Variants in FRMD3 observed in about 807,000 individuals in gnomAD.
FRMD3 encodes FERM domain-containing protein 3.
A neutral mutation model predicts 70.2 loss-of-function variants in FRMD3; 33 were observed. That is an observed-to-expected ratio of 0.47 (90% CI 0.36 to 0.63). The LOEUF is 0.63. Ranked by LOEUF, FRMD3 falls within the 20% of genes least tolerant of loss-of-function variation. FRMD3 has a pLI of 0.00. For missense variants in FRMD3, 632 were observed against 711.4 expected, an observed-to-expected ratio of 0.89 and a Z score of 1.27; for synonymous variants, 279 against 255.9, an observed-to-expected ratio of 1.09 and a Z score of -0.86.
chr9:83,244,604 CTGAA>C, downstream of FRMD3: 1 of 925,772 alleles, frequency 1.1e-6, no homozygotes, highest in South Asian at 5.0e-5. Context: ...TTAAATAAAA[CTGAA>C]TGATTGCAAA....
chr9:83,507,168 C>G (rs1036985468), intron 1 of FRMD3, among the ~76,000 whole-genome samples: 1 of 151,450 alleles, frequency 6.6e-6, no homozygotes, highest in African/African-American at 2.4e-5. Context: ...CGAGACCAGC[C>G]TGGCCAACAT....
chr9:83,545,097 A>T, the FRMD3 span, among the ~76,000 whole-genome samples: 1 of 152,188 alleles, frequency 6.6e-6, no homozygotes, highest in South Asian at 2.1e-4. Context: ...GCTCAATGAG[A>T]TCCAAGAGAA....
At chr9:83,484,298 C>A (rs755496404) in intron 1 of FRMD3, among the ~76,000 whole-genome samples, 4 of 152,182 alleles carry the variant, frequency 2.6e-5, no homozygotes, top group Non-Finnish European at 4.4e-5. Flanking sequence ...AACATATGTA[C>A]TAGAATTTTT....
At chr9:83,481,280 C>T (rs1043987314) in intron 1 of FRMD3, among the ~76,000 whole-genome samples, 2 of 152,126 alleles carry the variant, frequency 1.3e-5, no homozygotes, top group Admixed American at 6.5e-5. Flanking sequence ...TCCAATGATG[C>T]AAGTGTGTCG....
the FRMD3 span, among the ~76,000 whole-genome samples, chr9:83,551,035 G>A: frequency 4.0e-5 from 6 of 150,280 alleles, no homozygotes; most frequent in African/African-American, 1.5e-4. Context: ...TGGTGAGAGA[G>A]GGCATCCTTC....
At chr9:83,438,971 G>A (rs1157941577) in intron 1 of FRMD3, among the ~76,000 whole-genome samples, 2 of 152,120 alleles carry the variant, frequency 1.3e-5, no homozygotes, top group Non-Finnish European at 2.9e-5. Context: ...GGAGAGGCCT[G>A]AAAACCCTCA....
chr9:83,291,325 T>C (rs1834411218), intron 12 of FRMD3, among the ~76,000 whole-genome samples: 2 of 152,208 alleles, frequency 1.3e-5, no homozygotes, highest in Admixed American at 6.5e-5. Context: ...TAGCAACAGA[T>C]GGCAAGGAAA....
intron 1 of FRMD3, among the ~76,000 whole-genome samples, chr9:83,492,626 C>T (rs1264286095): frequency 6.6e-6 from 1 of 152,204 alleles, no homozygotes; most frequent in Non-Finnish European, 1.5e-5. Context: ...CCACCGGGGC[C>T]TCTGGGGGGC....
intron 1 of FRMD3, among the ~76,000 whole-genome samples, chr9:83,511,189 C>T (rs1358958318): frequency 6.6e-6 from 1 of 152,166 alleles, no homozygotes; most frequent in Non-Finnish European, 1.5e-5. Context: ...TTCTACTTCC[C>T]TATTTAGTGA....
chr9:83,258,507 C>T (rs1438319978), intron 13 of FRMD3, among the ~76,000 whole-genome samples: 3 of 152,184 alleles, frequency 2.0e-5, no homozygotes, highest in African/African-American at 2.4e-5. Flanking sequence ...CAATATTGGG[C>T]GTCAGCAGAA....
intron 1 of FRMD3, among the ~76,000 whole-genome samples, chr9:83,440,323 G>T (rs1827258608): frequency 6.6e-6 from 1 of 152,216 alleles, no homozygotes; most frequent in Admixed American, 6.5e-5. Flanking sequence ...ATACATCAGT[G>T]ATCAGTGTAA....
intron 1 of FRMD3, among the ~76,000 whole-genome samples, chr9:83,466,837 T>G (rs1417859938): frequency 6.6e-6 from 1 of 152,224 alleles, no homozygotes; most frequent in African/African-American, 2.4e-5. Flanking sequence ...AAAGGTCCAG[T>G]TGCTCGGTAA....
intron 6 of FRMD3, among the ~76,000 whole-genome samples, chr9:83,328,703 G>A (rs1021014796): frequency 6.6e-6 from 1 of 152,186 alleles, no homozygotes; most frequent in Non-Finnish European, 1.5e-5. Flanking sequence ...TGAAATGGCC[G>A]AAAATCTGGG....
In FRMD3 at chr9:83,455,975, T is replaced by G. The variant is rs191221791; in HGVS notation, c.148-66267A>C. ...TGGGGGCATTTTTCTAAAATAAACT[T>G]TAAATTAGAATTTTTGAATGCTGCA... On this transcript the variant is annotated intron_variant, in intron 1 of 13. Coordinates refer to ENST00000304195, the MANE Select transcript of FRMD3 (RefSeq NM_174938.6). Among the ~76,000 whole-genome samples the G allele has an allele frequency of 1.1e-4, 16 of 152,334 alleles. No individual in the cohort carries two copies. In the East Asian group the frequency reaches 3.1e-3, roughly 29 times the overall value.
At chr9:83,403,385 T>C (rs1332255467) in intron 1 of FRMD3, among the ~76,000 whole-genome samples, 1 of 152,166 alleles carries the variant, frequency 6.6e-6, no homozygotes, top group African/African-American at 2.4e-5. Context: ...AGAAGGTGGC[T>C]CGAACACGCA....
chr9:83,538,870 A>T (rs2131570179), upstream of FRMD3, among the ~76,000 whole-genome samples: 1 of 152,308 alleles, frequency 6.6e-6, no homozygotes, highest in South Asian at 2.1e-4. This position sits in a 1 kb window ranked among gnomAD's most constrained non-coding sequence, Gnocchi z 4.7. Flanking sequence ...TCGGGAAAGG[A>T]TTGCTGGGCC....
At chr9:83,299,229 G>T in intron 10 of FRMD3, 43 bp from the exon 11 acceptor site, 2 of 1,330,662 alleles carry the variant, frequency 1.5e-6, no homozygotes, top group Non-Finnish European at 2.1e-6. Context: ...ACATTGGAAA[G>T]TCCACTTACA....
intron 10 of FRMD3, among the ~76,000 whole-genome samples, chr9:83,301,637 G>A (rs1834933203): frequency 6.6e-6 from 1 of 152,244 alleles, no homozygotes; most frequent in Non-Finnish European, 1.5e-5. Flanking sequence ...GCAGGTGTGA[G>A]TCAACCTCCT....
rs199668767 is a variant in FRMD3, at chr9:83,538,070, C to G, written c.147+15G>C. 2.8e-3 allele frequency: 4,444 copies of G among 1,610,618 alleles called. 12 individuals are homozygous for G. The highest frequency in any genetic ancestry group is 3.1e-3 in the South Asian group (281 of 90,934). On this transcript the variant is annotated intron_variant, in intron 1 of 13. Coordinates refer to ENST00000304195, the MANE Select transcript of FRMD3 (RefSeq NM_174938.6). This position sits in a 1 kb window ranked among gnomAD's most constrained non-coding sequence, Gnocchi z 4.7. ...CCGGCGTGTGCCCCGCGCCCTCGCC[C>G]GGTTCCACGCGCACCTGGATGTGGC... is the stretch of plus-strand genomic sequence containing the variant.
Sources: allele counts gnomAD v4.1 joint callset (sites outside exome capture counted in the v4.1 genomes callset), GRCh38; gene constraint gnomAD v4.1.1; non-coding constraint Gnocchi (gnomAD v3.1); transcripts MANE v1.5; gene names NCBI Gene and HGNC (gene_info 2026-07-23, HGNC 2026-07-21).